Variants in CNIH3 observed in about 807,000 individuals in gnomAD.
The protein encoded by CNIH3 is protein cornichon homolog 3.
In CNIH3, 14 loss-of-function variants were observed where a neutral mutation model predicts 24.1. The ratio of observed to expected loss-of-function variants is 0.58; its 90% CI spans 0.38 to 0.91. CNIH3 has a LOEUF of 0.91. Among genes scored for constraint, CNIH3 ranks in the 40% least tolerant of loss-of-function variants. The probability of loss-of-function intolerance (pLI) is 0.00; values close to 1 mark genes in which losing one functional copy is unlikely to be tolerated. For synonymous variants in CNIH3, 68 were observed against 73.8 expected (o/e 0.92, Z 0.40); for missense variants, 178 against 196.8 (o/e 0.90, Z 0.57).
In CNIH3 at chr1:224,671,630, G is replaced by A. The variant is rs144449317; in HGVS notation, c.82-9328G>A. ...TCTTGATTCTTCATTTGCAAAGTGGGTGTCACATCATTTGGGATATTATAT... is the reference window on the plus strand; with the variant it reads ...TCTTGATTCTTCATTTGCAAAGTGGATGTCACATCATTTGGGATATTATAT... On this transcript the variant is annotated intron_variant, in intron 1 of 5. Transcript: ENST00000272133. Among the ~76,000 whole-genome samples the A allele has an allele frequency of 2.6e-5, 4 of 152,320 alleles. No homozygotes were observed. The East Asian group carries it at 7.7e-4, about 29-fold the overall frequency.
At chr1:224,575,950 A>G (rs1390650574) in intron 4 of CNIH3, among the ~76,000 whole-genome samples, 1 of 152,206 alleles carries the variant, frequency 6.6e-6, no homozygotes, top group Non-Finnish European at 1.5e-5. Context: ...TAGTACATAT[A>G]AAAGGGAACT....
intron 3 of CNIH3, among the ~76,000 whole-genome samples, chr1:224,712,009 C>G (rs909963490): frequency 6.6e-6 from 1 of 152,226 alleles, no homozygotes; most frequent in Middle Eastern, 3.4e-3. Flanking sequence ...TGGCTGTCCC[C>G]AAAGGCCCTT....
intron 3 of CNIH3, among the ~76,000 whole-genome samples, chr1:224,691,555 T>C (rs1301822422): frequency 6.6e-6 from 1 of 152,216 alleles, no homozygotes; most frequent in Non-Finnish European, 1.5e-5. Flanking sequence ...TGAGCCCACC[T>C]GTATCTCAAG....
At chr1:224,639,878 C>T (rs1684273921) in intron 1 of CNIH3, among the ~76,000 whole-genome samples, 1 of 152,200 alleles carries the variant, frequency 6.6e-6, no homozygotes, top group Non-Finnish European at 1.5e-5. Flanking sequence ...ATCTTTAAAT[C>T]CACTGATGAC....
chr1:224,581,318 C>T (rs569080341), intron 4 of CNIH3, among the ~76,000 whole-genome samples: 4 of 152,134 alleles, frequency 2.6e-5, no homozygotes, highest in African/African-American at 9.7e-5. Flanking sequence ...AGAACCCTGA[C>T]ATTTCTTGAA....
At chr1:224,609,568 G>C (rs992798947) in intron 3 of CNIH3, among the ~76,000 whole-genome samples, 4 of 152,218 alleles carry the variant, frequency 2.6e-5, no homozygotes, top group African/African-American at 9.7e-5. Context: ...GGAAGCAAGA[G>C]AGTAACTTGA....
chr1:224,483,721 CT>C (rs1265864376), intron 1 of CNIH3, among the ~76,000 whole-genome samples: 1 of 151,732 alleles, frequency 6.6e-6, no homozygotes, highest in Admixed American at 6.6e-5. Flanking sequence ...TATGAAGGTG[CT>C]TTTTTGTGTA....
chr1:224,460,640 A>G (rs1166768514), intron 1 of CNIH3, among the ~76,000 whole-genome samples: 1 of 152,130 alleles, frequency 6.6e-6, no homozygotes, highest in African/African-American at 2.4e-5. Context: ...TCACCTGTCG[A>G]TGGACATTTG....
intron 1 of CNIH3, among the ~76,000 whole-genome samples, chr1:224,636,878 TATCTATC>T (rs941451192): frequency 6.6e-6 from 1 of 152,208 alleles, no homozygotes; most frequent in Admixed American, 6.5e-5. Context: ...GATTTTTATT[TATCTATC>T]ATCTATCTAT....
intron 2 of CNIH3, among the ~76,000 whole-genome samples, chr1:224,530,792 G>T (rs1203558568): frequency 6.6e-6 from 1 of 152,020 alleles, no homozygotes; most frequent in East Asian, 1.9e-4. Context: ...TAGAGATGGG[G>T]TTTCACCATG....
Position 224,604,060 on chromosome 1 carries a change from T to C in CNIH3, n.402+37796T>C, listed in dbSNP as rs144687131. Among the ~76,000 whole-genome samples the C allele has an allele frequency of 2.1e-3, 327 of 152,296 alleles. No individual in the cohort carries two copies. The highest frequency in any genetic ancestry group is 7.7e-3 in the African/African-American group (318 of 41,556). On this transcript the variant is annotated intron_variant and non_coding_transcript_variant, in intron 3 of 7. Coordinates refer to the CNIH3 transcript ENST00000478120. The surrounding 1 kb of genome is among the most constrained non-coding windows in gnomAD (Gnocchi z 4.4). The stretch of plus-strand genomic sequence containing the variant: ...ACCAGTGGCAACCACATGATTTCAG[T>C]AGAGTGATAAAAATGTGATGTATAT...
chr1:224,714,139 T>C lies in CNIH3; in HGVS notation c.199-16323T>C, dbSNP rs1688304909. 1.3e-5 allele frequency among the ~76,000 whole-genome samples: 2 copies of C among 152,204 alleles called. 1 individual carries two copies. Among genetic ancestry groups the C allele is most frequent in the Non-Finnish European group, 2.9e-5 (2 of 68,036 alleles). Reference sequence around the variant, plus strand: ...CTCACTGCAACTTTTAATTGGTGTATAACATAGAGCATTAATATTGGCTAT... The same window carrying C: ...CTCACTGCAACTTTTAATTGGTGTACAACATAGAGCATTAATATTGGCTAT... On this transcript the variant is annotated intron_variant, in intron 3 of 5. Transcript: ENST00000272133.
At chr1:224,645,284 G>A (rs565718938) in intron 1 of CNIH3, among the ~76,000 whole-genome samples, 2 of 152,258 alleles carry the variant, frequency 1.3e-5, no homozygotes, top group African/African-American at 4.8e-5. Context: ...GTCTTGCCCT[G>A]TTTGGTGTCT....
intron 1 of CNIH3, among the ~76,000 whole-genome samples, chr1:224,626,495 C>G (rs1416698532): frequency 2.6e-5 from 4 of 152,118 alleles, no homozygotes; most frequent in Non-Finnish European, 5.9e-5. Context: ...AAACAAAAAA[C>G]TAAAAAATAT....
intron 2 of CNIH3, among the ~76,000 whole-genome samples, chr1:224,546,651 A>G (rs1452651420): frequency 6.6e-6 from 1 of 152,188 alleles, no homozygotes; most frequent in African/African-American, 2.4e-5. Flanking sequence ...TGGGTCCCAG[A>G]GAAAATTTAT....
intron 2 of CNIH3, among the ~76,000 whole-genome samples, chr1:224,531,509 G>A (rs139953984): frequency 5.3e-4 from 81 of 152,336 alleles, no homozygotes; most frequent in African/African-American, 1.9e-3. Flanking sequence ...CATAGGGAAT[G>A]TGGTACTTTT....
chr1:224,616,702 C>G lies in CNIH3; in HGVS notation c.-473C>G, dbSNP rs1384876786. 2 of 992,302 alleles carry G rather than the reference C, an allele frequency of 2.0e-6. No individual in the cohort carries two copies. Among genetic ancestry groups the G allele is most frequent in the Non-Finnish European group, 2.4e-6 (2 of 834,810 alleles). 61.5% of individuals were successfully genotyped at this position (992,302 alleles called of 1,614,324 possible). ...CCTCGCTGGACACTATCCGTTTGCG[C>G]CCCGGTGGCGCGGGAGGGTCCGGAG... On this transcript the variant is annotated 5_prime_UTR_variant, in exon 1 of 6. Coordinates refer to ENST00000272133, the MANE Select transcript of CNIH3 (RefSeq NM_152495.2).
Position 224,681,041 on chromosome 1 carries a change from C to G in CNIH3, c.150+15C>G, listed in dbSNP as rs1241771509. Reference sequence around the variant, plus strand: ...CTGTTCATGCGGTAAGTGGCGGGTACTGGTGAGGGGAAGGTGCTATCACCC... The same window carrying G: ...CTGTTCATGCGGTAAGTGGCGGGTAGTGGTGAGGGGAAGGTGCTATCACCC... On this transcript the variant is annotated intron_variant, in intron 2 of 5. Transcript: ENST00000272133. 1.2e-6 allele frequency: 2 copies of G among 1,611,672 alleles called. No homozygotes were observed. Among genetic ancestry groups the G allele is most frequent in the African/African-American group, 2.7e-5 (2 of 74,864 alleles).
At chr1:224,502,156 G>C (rs1200563881) in intron 1 of CNIH3, among the ~76,000 whole-genome samples, 1 of 152,134 alleles carries the variant, frequency 6.6e-6, no homozygotes, top group Non-Finnish European at 1.5e-5. Context: ...GGAGAGTGAA[G>C]CCCTGGTTTT....
Sources: allele counts gnomAD v4.1 joint callset (sites outside exome capture counted in the v4.1 genomes callset), GRCh38; gene constraint gnomAD v4.1.1; non-coding constraint Gnocchi (gnomAD v3.1); transcripts MANE v1.5; gene names NCBI Gene and HGNC (gene_info 2026-07-23, HGNC 2026-07-21).